Variants in MSRA observed in about 807,000 individuals in gnomAD.
The protein encoded by MSRA is mitochondrial peptide methionine sulfoxide reductase.
In MSRA, 54 loss-of-function variants were observed where a neutral mutation model predicts 31.3. The observed-to-expected ratio is 1.73, with a 90% CI of 1.39 to 2.17. MSRA has a LOEUF of 2.17. Among genes scored for constraint, MSRA ranks in the 30% most tolerant of loss-of-function variants. The pLI, the probability that MSRA is intolerant of heterozygous loss-of-function variation, is 0.00. For synonymous variants in MSRA, 169 were observed against 116.5 expected, an observed-to-expected ratio of 1.45 and a Z score of -2.90; for missense variants, 507 against 300.9, an observed-to-expected ratio of 1.69 and a Z score of -5.07.
chr8:10,171,959 G>C (rs1409256584), intron 1 of MSRA, among the ~76,000 whole-genome samples: 1 of 152,200 alleles, frequency 6.6e-6, no homozygotes, highest in Non-Finnish European at 1.5e-5. Context: ...TCTGAAGTAG[G>C]TAATGGAACC....
At position 10,344,795 on chromosome 8, in the gene MSRA, T is replaced by A. The variant is rs148809028; in HGVS notation, c.543+24806T>A. On this transcript the variant is annotated intron_variant, in intron 5 of 5. Transcript: ENST00000317173. ...TGAGGTGGTGTACAAGACCTCAGGTTCACTCTTGGGCCTGGGAATGACTAC... is the reference window on the plus strand; with the variant it reads ...TGAGGTGGTGTACAAGACCTCAGGTACACTCTTGGGCCTGGGAATGACTAC... Among the ~76,000 whole-genome samples the A allele has an allele frequency of 4.1e-3, 618 of 152,266 alleles. 2 individuals are homozygous for A. Among genetic ancestry groups the A allele is most frequent in the African/African-American group, 0.014 (597 of 41,548 alleles).
At chr8:10,166,974 A>C (rs1301621643) in intron 1 of MSRA, among the ~76,000 whole-genome samples, 4 of 152,144 alleles carry the variant, frequency 2.6e-5, no homozygotes, top group Non-Finnish European at 4.4e-5. Flanking sequence ...TATTCACCCA[A>C]CCTATGAGAA....
intron 5 of MSRA, among the ~76,000 whole-genome samples, chr8:10,321,380 G>T (rs1802033277): frequency 6.6e-6 from 1 of 152,126 alleles, no homozygotes; most frequent in South Asian, 2.1e-4. Context: ...CCACTGGTGA[G>T]CAAGTAGAAG....
chr8:10,246,995 A>C (rs1797656968), intron 3 of MSRA, among the ~76,000 whole-genome samples: 1 of 152,210 alleles, frequency 6.6e-6, no homozygotes, highest in Non-Finnish European at 1.5e-5. Context: ...AAAGGTTGCT[A>C]AGAAAACCTC....
intron 5 of MSRA, among the ~76,000 whole-genome samples, chr8:10,427,006 A>C (rs998701774): frequency 1.5e-4 from 8 of 54,144 alleles, no homozygotes; most frequent in African/African-American, 5.6e-4. Context: ...GGCGAAACAG[A>C]GATGCAGGAA....
chr8:10,268,047 C>A (rs761169726), intron 3 of MSRA, among the ~76,000 whole-genome samples: 1 of 152,172 alleles, frequency 6.6e-6, no homozygotes, highest in Non-Finnish European at 1.5e-5. Flanking sequence ...GCAGGAATTT[C>A]TTCAGGGCCA....
At chr8:10,167,525 A>C (rs1805248340) in intron 1 of MSRA, among the ~76,000 whole-genome samples, 2 of 152,294 alleles carry the variant, frequency 1.3e-5, no homozygotes, top group South Asian at 2.1e-4. Flanking sequence ...CTGGATGAAT[A>C]TGCCTGTGTG....
At chr8:10,397,547 A>C (rs757609418) in intron 5 of MSRA, among the ~76,000 whole-genome samples, 2 of 152,172 alleles carry the variant, frequency 1.3e-5, no homozygotes, top group African/African-American at 4.8e-5. Flanking sequence ...GGTGCTTCTC[A>C]GAGGTCTTTG....
chr8:10,063,880 T>A (rs1797330586), intron 1 of MSRA, among the ~76,000 whole-genome samples: 1 of 152,218 alleles, frequency 6.6e-6, no homozygotes, highest in Admixed American at 6.5e-5. Context: ...GGATGTTTTT[T>A]CCTTGCAGCC....
intron 4 of MSRA, among the ~76,000 whole-genome samples, chr8:10,315,053 GC>G (rs1291989935): frequency 1.3e-5 from 2 of 152,152 alleles, no homozygotes; most frequent in African/African-American, 4.8e-5. Flanking sequence ...TTATTACATG[GC>G]AGCAGGCAAG....
intron 1 of MSRA, among the ~76,000 whole-genome samples, chr8:10,128,550 G>C (rs894145210): frequency 2.6e-5 from 4 of 152,162 alleles, no homozygotes; most frequent in Admixed American, 2.6e-4. Context: ...CATCACAGCT[G>C]AGGCTGGTGT....
intron 1 of MSRA, among the ~76,000 whole-genome samples, chr8:10,057,897 G>A (rs1802485195): frequency 6.6e-6 from 1 of 152,158 alleles, no homozygotes; most frequent in South Asian, 2.1e-4. Flanking sequence ...CTTTATAGCA[G>A]TGTGAAAACA....
intron 1 of MSRA, among the ~76,000 whole-genome samples, chr8:10,082,962 T>A (rs1041390397): frequency 1.6e-4 from 25 of 152,228 alleles, no homozygotes; most frequent in Non-Finnish European, 4.4e-5. Flanking sequence ...TTAAGGAGTT[T>A]ATAGTCTAGT....
chr8:10,274,250 T>A (rs1799201140), intron 3 of MSRA, among the ~76,000 whole-genome samples: 1 of 152,122 alleles, frequency 6.6e-6, no homozygotes, highest in African/African-American at 2.4e-5. Context: ...AAGGCTTGGG[T>A]ATGTACGGTG....
intron 1 of MSRA, among the ~76,000 whole-genome samples, chr8:10,196,009 G>A (rs1186702582): frequency 6.6e-6 from 1 of 152,206 alleles, no homozygotes; most frequent in Admixed American, 6.5e-5. Context: ...ATCAGGCTCA[G>A]CTGACCATTA....
intron 2 of MSRA, among the ~76,000 whole-genome samples, chr8:10,208,644 C>T (rs1464440539): frequency 1.3e-5 from 2 of 152,086 alleles, no homozygotes; most frequent in African/African-American, 2.4e-5. Flanking sequence ...TCTAGCAGTG[C>T]TCTGGGGTTC....
chr8:10,167,992 C>T (rs1805288133), intron 1 of MSRA, among the ~76,000 whole-genome samples: 1 of 152,172 alleles, frequency 6.6e-6, no homozygotes, highest in South Asian at 2.1e-4. Flanking sequence ...CATGGCACTT[C>T]TTGACTGTTT....
chr8:10,391,174 C>T (rs1248598493), intron 5 of MSRA, among the ~76,000 whole-genome samples: 1 of 152,190 alleles, frequency 6.6e-6, no homozygotes, highest in Non-Finnish European at 1.5e-5. Context: ...TTTGCATTGG[C>T]TTTTGTATCT....
At chr8:10,414,655 G>A (rs1808350405) in intron 5 of MSRA, among the ~76,000 whole-genome samples, 1 of 152,240 alleles carries the variant, frequency 6.6e-6, no homozygotes, top group Non-Finnish European at 1.5e-5. Flanking sequence ...CTAAGCTTAA[G>A]CATCTGCTGC....
Sources: allele counts gnomAD v4.1 joint callset (sites outside exome capture counted in the v4.1 genomes callset), GRCh38; gene constraint gnomAD v4.1.1; transcripts MANE v1.5; gene names NCBI Gene and HGNC (gene_info 2026-07-23, HGNC 2026-07-21).